Variants in TNIP3 observed in about 807,000 individuals in gnomAD.
TNIP3 encodes the protein TNFAIP3-interacting protein 3.
Under a neutral mutation model 54.1 loss-of-function variants are expected in TNIP3, and 34 were observed. The ratio of observed to expected loss-of-function variants is 0.63; its 90% CI spans 0.48 to 0.84. The LOEUF (loss-of-function observed/expected upper bound fraction) is 0.84, where lower values mean the gene tolerates loss of function less well. Ranked by LOEUF, TNIP3 falls within the 40% of genes least tolerant of loss-of-function variation. TNIP3 has a pLI of 0.00. For missense variants in TNIP3, 366 were observed against 387.6 expected (o/e 0.94, Z 0.47); for synonymous variants, 134 against 136.8 (o/e 0.98, Z 0.14).
At chr4:121,167,179 G>A (rs756466388), upstream of TNIP3, among the ~76,000 whole-genome samples, 40 of 152,138 alleles carry the variant, frequency 2.6e-4, 1 homozygote, top group Non-Finnish European at 4.4e-4. Flanking sequence ...CATTGTGTGG[G>A]TTCCAAAGGA....
At chr4:121,136,423 C>G (rs1003475184) in intron 10 of TNIP3, among the ~76,000 whole-genome samples, 3 of 152,136 alleles carry the variant, frequency 2.0e-5, no homozygotes, top group Admixed American at 6.5e-5. Context: ...ATCTAATCCC[C>G]TTGCTAAATT....
chr4:121,168,523 T>C (rs1308611390), upstream of TNIP3, among the ~76,000 whole-genome samples: 2 of 144,622 alleles, frequency 1.4e-5, no homozygotes, highest in African/African-American at 5.1e-5. Context: ...TTTCTTTGCT[T>C]TTTTTTTTTT....
intron 2 of TNIP3, among the ~76,000 whole-genome samples, chr4:121,188,656 T>G (rs116011994): frequency 0.025 from 3,782 of 152,280 alleles, 149 homozygotes; most frequent in African/African-American, 0.085. Flanking sequence ...TAATCCAAAA[T>G]GTTATGGTTT....
chr4:121,220,750 G>A (rs890960466), upstream of TNIP3, among the ~76,000 whole-genome samples: 9 of 152,138 alleles, frequency 5.9e-5, no homozygotes, highest in African/African-American at 2.2e-4. Flanking sequence ...TCAGAAATAA[G>A]TGAATGTCCT....
rs370425095 is a variant in TNIP3, at chr4:121,140,812, G to A, written c.885+1004C>T. ...GGAGAGCAGACAGAACTAGCAACCC[G>A]CAATAACATGAAAAGACTCAATTCT... On this transcript the variant is annotated intron_variant, in intron 9 of 10. Coordinates refer to ENST00000057513, the MANE Select transcript of TNIP3 (RefSeq NM_024873.6). Among the ~76,000 whole-genome samples the A allele has an allele frequency of 2.6e-5, 4 of 152,232 alleles. No homozygotes were observed. In the South Asian group the frequency reaches 6.2e-4, roughly 24 times the overall value.
At chr4:121,133,725 G>A (rs1489555917) in intron 10 of TNIP3, among the ~76,000 whole-genome samples, 2 of 152,282 alleles carry the variant, frequency 1.3e-5, no homozygotes, top group African/African-American at 2.4e-5. Flanking sequence ...GTTCTTGAAG[G>A]GAAGGCAGAA....
In TNIP3 at chr4:121,154,539, C is replaced by A. The variant is rs769366694; in HGVS notation, c.492+12G>T. On this transcript the variant is annotated intron_variant, in intron 5 of 10. Transcript: ENST00000057513. ...TCTCATTTTAATCTCCCATGCTTGA[C>A]CTGACTGATACCTTATTGAGGCGTT... 6.2e-7 allele frequency: 1 copy of A among 1,613,074 alleles called. No individual in the cohort carries two copies. Among genetic ancestry groups the A allele is most frequent in the Non-Finnish European group, 8.5e-7 (1 of 1,179,682 alleles).
intron 4 of TNIP3, among the ~76,000 whole-genome samples, chr4:121,155,199 G>A (rs1321589372): frequency 1.3e-5 from 2 of 151,912 alleles, no homozygotes; most frequent in Admixed American, 6.6e-5. Flanking sequence ...TCCTGACCTC[G>A]TGATCTGCCC....
At chr4:121,208,833 A>G (rs1294798912) in intron 2 of TNIP3, among the ~76,000 whole-genome samples, 1 of 152,176 alleles carries the variant, frequency 6.6e-6, no homozygotes, top group African/African-American at 2.4e-5. Context: ...TCTGGACTAC[A>G]CCTAAGTTAT....
chr4:121,175,459 C>G (rs111979253), intron 3 of TNIP3, among the ~76,000 whole-genome samples: 3,825 of 152,238 alleles, frequency 0.025, 160 homozygotes, highest in African/African-American at 0.086. Flanking sequence ...ACCAAGCCTC[C>G]CAGTGTTGTC....
intron 10 of TNIP3, among the ~76,000 whole-genome samples, chr4:121,138,348 CA>C (rs1233513400): frequency 6.6e-6 from 1 of 152,214 alleles, no homozygotes; most frequent in Non-Finnish European, 1.5e-5. Context: ...GCTCTGCTTA[CA>C]GTTTTCATTT....
At chr4:121,216,735 G>A, upstream of TNIP3, 1 of 831,756 alleles carries the variant, frequency 1.2e-6, no homozygotes. Context: ...GGCTCAGTGA[G>A]TTAAGGAAGA....
chr4:121,141,091 C>T (rs775942362), intron 9 of TNIP3, among the ~76,000 whole-genome samples: 33 of 152,086 alleles, frequency 2.2e-4, no homozygotes, highest in South Asian at 4.1e-4. Context: ...TAAAGGGTAG[C>T]GGGATTTGTC....
chr4:121,163,932 T>C, intron 1 of TNIP3, 128 bp downstream of exon 1: 15 of 1,083,746 alleles, frequency 1.4e-5, no homozygotes, highest in Non-Finnish European at 1.9e-5. Flanking sequence ...GTTAAAAATA[T>C]AGAGCAAATC....
intron 3 of TNIP3, among the ~76,000 whole-genome samples, chr4:121,181,736 T>G (rs1306479723): frequency 6.6e-6 from 1 of 152,138 alleles, no homozygotes; most frequent in Non-Finnish European, 1.5e-5. Context: ...GGCAGTTCTG[T>G]GTTTAGTGAA....
In TNIP3 at chr4:121,157,166, C is replaced by T. The variant is rs1000536572; in HGVS notation, c.291G>A (p.Gln97=). 5.0e-6 allele frequency: 8 copies of T among 1,613,810 alleles called. No homozygotes were observed. The highest frequency in any genetic ancestry group is 6.8e-6 in the Non-Finnish European group (8 of 1,179,838). Residue 97 remains glutamine (Q), a synonymous_variant, in exon 4 of 11, where the codon CAG becomes CAA. Transcript: ENST00000057513. ...CCTCTCTCTGCCTGTCGTCCTTTCT[C>T]TGCCTCTGATGCGGATCCTTCTCCC... The part of the protein sequence containing the change: ...STREKDPHQR[Q]RKDDRQREDD...
chr4:121,209,507 AG>A (rs1442874914), intron 2 of TNIP3, among the ~76,000 whole-genome samples: 26 of 152,346 alleles, frequency 1.7e-4, no homozygotes, highest in African/African-American at 6.3e-4. Flanking sequence ...ATTTGTGGTC[AG>A]AAAAAAGATG....
chr4:121,163,973 G>C (rs79785996), intron 1 of TNIP3, 87 bp downstream of exon 1: 9 of 1,483,322 alleles, frequency 6.1e-6, no homozygotes, highest in Non-Finnish European at 8.3e-6. Flanking sequence ...AGCCATTTCT[G>C]TTCTTATTAA....
At chr4:121,176,866 T>G (rs1001973446) in intron 3 of TNIP3, among the ~76,000 whole-genome samples, 6 of 152,096 alleles carry the variant, frequency 3.9e-5, no homozygotes, top group African/African-American at 1.4e-4. Flanking sequence ...TTGGGAAGAG[T>G]GTCCAGGTCT....
Sources: allele counts gnomAD v4.1 joint callset (sites outside exome capture counted in the v4.1 genomes callset), GRCh38; gene constraint gnomAD v4.1.1; transcripts MANE v1.5; gene names NCBI Gene and HGNC (gene_info 2026-07-23, HGNC 2026-07-21).